DLGAP2: variants seen among roughly 807,000 people sequenced by gnomAD.
DLGAP2 encodes the protein DLG associated protein 2.
DLGAP2 carries 26 observed loss-of-function variants against 100.3 expected under a neutral mutation model. The ratio of observed to expected loss-of-function variants is 0.26; its 90% CI spans 0.19 to 0.36. The LOEUF is 0.36. DLGAP2 is among the 10% of genes least tolerant of loss of function. The pLI is 1.00. For missense variants in DLGAP2, 1,858 were observed against 1,453.2 expected (o/e 1.28, Z -4.53); for synonymous variants, 886 against 630.1 (o/e 1.41, Z -6.08).
intron 1 of DLGAP2, among the ~76,000 whole-genome samples, chr8:769,686 C>G (rs961468868): frequency 6.6e-6 from 1 of 152,074 alleles, no homozygotes; most frequent in Non-Finnish European, 1.5e-5. Context: ...TAGACGGTAG[C>G]TTGGGTTAGG....
intron 8 of DLGAP2, among the ~76,000 whole-genome samples, chr8:1,659,742 A>C (rs1357680720): frequency 2.0e-5 from 3 of 152,280 alleles, no homozygotes; most frequent in East Asian, 1.9e-4. Flanking sequence ...GTGTCTTTGC[A>C]CATGAGATGG....
At chr8:954,145 C>G (rs906727204) in intron 2 of DLGAP2, among the ~76,000 whole-genome samples, 2 of 152,098 alleles carry the variant, frequency 1.3e-5, no homozygotes, top group Non-Finnish European at 2.9e-5. Context: ...TCCACACTGC[C>G]TAAGAGAAAT....
chr8:1,436,420 G>C (rs553972225), intron 3 of DLGAP2, among the ~76,000 whole-genome samples: 2 of 152,092 alleles, frequency 1.3e-5, no homozygotes, highest in South Asian at 2.1e-4. Flanking sequence ...TATCCTAGCC[G>C]TGCTGGCAGC....
chr8:1,659,513 A>C (rs1462596215), intron 8 of DLGAP2, among the ~76,000 whole-genome samples: 2 of 152,176 alleles, frequency 1.3e-5, no homozygotes, highest in African/African-American at 4.8e-5. Flanking sequence ...TTGCTTTATG[A>C]ATCTGGGTGC....
At chr8:1,108,039 G>T (rs1804833987) in intron 2 of DLGAP2, among the ~76,000 whole-genome samples, 1 of 152,148 alleles carries the variant, frequency 6.6e-6, no homozygotes, top group South Asian at 2.1e-4. Context: ...AAACCAACTT[G>T]CGTGTTTTCT....
At chr8:857,449 A>G (rs1263883088) in intron 1 of DLGAP2, among the ~76,000 whole-genome samples, 2 of 152,360 alleles carry the variant, frequency 1.3e-5, no homozygotes, top group East Asian at 3.9e-4. Flanking sequence ...ATGGAGGACG[A>G]GCATGCAAAA....
chr8:1,672,763 G>C (rs1048579969), intron 10 of DLGAP2, among the ~76,000 whole-genome samples: 1 of 152,192 alleles, frequency 6.6e-6, no homozygotes, highest in African/African-American at 2.4e-5. Context: ...AGGCAGGGCC[G>C]GCCACTCACC....
At chr8:1,305,177 C>T (rs13255078) in intron 3 of DLGAP2, among the ~76,000 whole-genome samples, 60,722 of 151,974 alleles carry the variant, frequency 0.4, 12,412 homozygotes, top group Middle Eastern at 0.52. Flanking sequence ...AAGCAAGTGA[C>T]TTCTTGACTC....
chr8:1,701,616 T>C lies in DLGAP2; in HGVS notation c.*210T>C, dbSNP rs529682972. 8.2e-5 allele frequency: 50 copies of C among 607,898 alleles called. No homozygotes were observed. The highest frequency in any genetic ancestry group is 4.4e-4 in the South Asian group (21 of 47,732). The allele number at this position is 607,898 out of a possible 1,614,324, so 37.7% of individuals were successfully genotyped here. ...ACGACTTCTGCTTTTGTTGTTGTTG[T>C]TGTTGTTCACGGGTGGCCTGGCTCA... On this transcript the variant is annotated 3_prime_UTR_variant, in exon 15 of 15. Coordinates refer to ENST00000637795, the MANE Select transcript of DLGAP2 (RefSeq NM_001346810.2).
chr8:1,413,932 C>G (rs1584874281), intron 3 of DLGAP2, among the ~76,000 whole-genome samples: 2 of 152,016 alleles, frequency 1.3e-5, no homozygotes, highest in African/African-American at 4.8e-5. Context: ...AAAAAGAGCT[C>G]CAAACTCATC....
intron 2 of DLGAP2, among the ~76,000 whole-genome samples, chr8:1,153,787 A>C (rs1796735254): frequency 6.6e-6 from 1 of 152,148 alleles, no homozygotes; most frequent in Admixed American, 6.5e-5. Flanking sequence ...AACACAGCGT[A>C]ATGTTTTGCA....
At position 1,548,738 on chromosome 8, in the gene DLGAP2, C is replaced by G; in HGVS notation, c.285C>G (p.Ser95=). 6.2e-7 allele frequency: 1 copy of G among 1,606,552 alleles called. No individual in the cohort carries two copies. The highest frequency in any genetic ancestry group is 8.5e-7 in the Non-Finnish European group (1 of 1,178,046). ...GTCGGACCCAGCCGCCGCTGTGTTC[C>G]GGGCACACGTGTGGTCTGGCGCCCC... The part of the protein sequence containing the change: ...SGSRTQPPLC[S]GHTCGLAPPE... The change falls in exon 5 of 15, where the codon TCC becomes TCG. Residue 95 remains serine (S), a synonymous_variant. Transcript: ENST00000637795.
At chr8:962,016 C>T (rs1799736265) in intron 2 of DLGAP2, among the ~76,000 whole-genome samples, 1 of 152,152 alleles carries the variant, frequency 6.6e-6, no homozygotes, top group Non-Finnish European at 1.5e-5. Context: ...TGGTTTCAGG[C>T]TATAGTAGTT....
At chr8:1,053,805 T>C (rs1211771498) in intron 2 of DLGAP2, among the ~76,000 whole-genome samples, 1 of 152,234 alleles carries the variant, frequency 6.6e-6, no homozygotes, top group Non-Finnish European at 1.5e-5. Flanking sequence ...TTTAATATTT[T>C]ATTTTCATTA....
intron 1 of DLGAP2, among the ~76,000 whole-genome samples, chr8:799,685 C>T (rs971925156): frequency 3.3e-5 from 5 of 152,228 alleles, no homozygotes; most frequent in African/African-American, 1.2e-4. Flanking sequence ...CAGCCTCAAA[C>T]TCCTAGGCTC....
chr8:1,513,093 G>A (rs1369923369), intron 4 of DLGAP2, among the ~76,000 whole-genome samples: 1 of 149,942 alleles, frequency 6.7e-6, no homozygotes, highest in African/African-American at 2.5e-5. Flanking sequence ...TCCCAGTGCA[G>A]GGCAAGACGG....
intron 2 of DLGAP2, among the ~76,000 whole-genome samples, chr8:911,800 G>T (rs1563091839): frequency 6.6e-6 from 1 of 152,208 alleles, no homozygotes; most frequent in Non-Finnish European, 1.5e-5. Context: ...TATAATGTAT[G>T]TTGGAAGGAT....
chr8:1,212,583 A>G (rs1798127327), intron 2 of DLGAP2, among the ~76,000 whole-genome samples: 1 of 152,138 alleles, frequency 6.6e-6, no homozygotes, highest in African/African-American at 2.4e-5. Context: ...AACAAACTGC[A>G]GTCTAGAATG....
chr8:1,054,736 G>T (rs1802826344), intron 2 of DLGAP2, among the ~76,000 whole-genome samples: 1 of 152,122 alleles, frequency 6.6e-6, no homozygotes, highest in Non-Finnish European at 1.5e-5. Flanking sequence ...CATGGTTTTT[G>T]CATTGTATTG....
Sources: allele counts gnomAD v4.1 joint callset (sites outside exome capture counted in the v4.1 genomes callset), GRCh38; gene constraint gnomAD v4.1.1; transcripts MANE v1.5; gene names NCBI Gene and HGNC (gene_info 2026-07-23, HGNC 2026-07-21).